The following DCDC1 variants were observed in gnomAD, a reference collection of about 807,000 sequenced individuals.
DCDC1 encodes the protein doublecortin domain-containing protein 1.
A neutral mutation model predicts 178.3 loss-of-function variants in DCDC1; 200 were observed. The ratio of observed to expected loss-of-function variants is 1.12; its 90% CI spans 1.00 to 1.26. The LOEUF is 1.26. Among genes scored for constraint, DCDC1 ranks in the 50% most tolerant of loss-of-function variants. DCDC1 has a pLI of 0.00. For synonymous variants in DCDC1, 690 were observed against 604.8 expected, an observed-to-expected ratio of 1.14 and a Z score of -2.07; for missense variants, 1,983 against 1,749.2, an observed-to-expected ratio of 1.13 and a Z score of -2.38.
At chr11:31,248,033 T>C (rs1212593802) in intron 8 of DCDC1, among the ~76,000 whole-genome samples, 2 of 152,108 alleles carry the variant, frequency 1.3e-5, no homozygotes, top group Non-Finnish European at 2.9e-5. Flanking sequence ...AAATTGAAAA[T>C]GCATGACATG....
In DCDC1 at chr11:30,959,533, G is replaced by T. The variant is rs981892548; in HGVS notation, c.2592-6965C>A. On this transcript the variant is annotated intron_variant, in intron 20 of 38. Transcript: ENST00000684477. ...CCCACTGAACTATGGAATGCTCATG[G>T]GTATGGAGTGTTCCTTCATACCCAC... Among the ~76,000 whole-genome samples, 3 of 152,164 alleles carry T rather than the reference G, an allele frequency of 2.0e-5. No individual in the cohort carries two copies. The South Asian group carries it at 6.2e-4, about 32-fold the overall frequency.
At chr11:30,914,595 C>T (rs917641630) in intron 27 of DCDC1, among the ~76,000 whole-genome samples, 3 of 110,214 alleles carry the variant, frequency 2.7e-5, no homozygotes, top group Non-Finnish European at 5.5e-5. Context: ...GAATTGTTTT[C>T]TTTTTTGTTC....
intron 9 of DCDC1, among the ~76,000 whole-genome samples, chr11:31,188,327 C>A (rs1015042346): frequency 2.6e-5 from 4 of 152,068 alleles, no homozygotes; most frequent in African/African-American, 9.7e-5. Flanking sequence ...TTATCCATTG[C>A]AGCATTAAGA....
intron 17 of DCDC1, among the ~76,000 whole-genome samples, chr11:31,090,186 G>T (rs1237614699): frequency 6.6e-6 from 1 of 152,166 alleles, no homozygotes; most frequent in Non-Finnish European, 1.5e-5. Flanking sequence ...TGGAGAGTTT[G>T]CATAACACCA....
intron 20 of DCDC1, among the ~76,000 whole-genome samples, chr11:30,990,085 T>C (rs972725566): frequency 2.6e-5 from 4 of 152,046 alleles, no homozygotes; most frequent in Admixed American, 1.3e-4. Flanking sequence ...AGACGCTTTT[T>C]CAAGAGACAT....
intron 9 of DCDC1, among the ~76,000 whole-genome samples, chr11:31,180,746 C>T (rs1053713019): frequency 3.3e-5 from 5 of 152,118 alleles, no homozygotes; most frequent in South Asian, 4.1e-4. Context: ...CCACCAGGAC[C>T]GTGGGTTTCA....
Position 31,290,847 on chromosome 11 carries a change from G to A in DCDC1, c.760C>T (p.Leu254=), listed in dbSNP as rs776301174. 6.2e-7 allele frequency: 1 copy of A among 1,610,558 alleles called. No individual in the cohort carries two copies. Among genetic ancestry groups the A allele is most frequent in the South Asian group, 1.1e-5 (1 of 90,386 alleles). The part of the protein sequence containing the change: ...LNPFKKIKDH[L]LLIKKVTWTM... ...CAAGTTACTTTCTTAATTAACAACA[G>A]ATGGTCTAGAAGATAATTTTTTAAG... Residue 254 remains leucine, a synonymous_variant, in exon 7 of 39, where the codon CTG becomes TTG. Coordinates refer to ENST00000684477, the MANE Select transcript of DCDC1 (RefSeq NM_001387274.1).
chr11:31,291,364 T>C (rs1457916421), intron 6 of DCDC1, among the ~76,000 whole-genome samples: 2 of 152,058 alleles, frequency 1.3e-5, no homozygotes, highest in African/African-American at 4.8e-5. Context: ...AGAAGGAAGG[T>C]GCCTTCTAGG....
At chr11:31,360,049 T>C (rs890388890) in intron 1 of DCDC1, among the ~76,000 whole-genome samples, 8 of 152,234 alleles carry the variant, frequency 5.3e-5, no homozygotes, top group African/African-American at 1.9e-4. Flanking sequence ...TAATTTAAAA[T>C]GTTAGTTCCT....
chr11:31,220,698 C>T (rs1190351423), intron 9 of DCDC1, among the ~76,000 whole-genome samples: 2 of 152,154 alleles, frequency 1.3e-5, no homozygotes, highest in African/African-American at 4.8e-5. Flanking sequence ...TTTGAATGTG[C>T]AAAGTACCAT....
intron 9 of DCDC1, among the ~76,000 whole-genome samples, chr11:31,185,555 A>G (rs1969375311): frequency 6.6e-6 from 1 of 152,156 alleles, no homozygotes; most frequent in African/African-American, 2.4e-5. Context: ...TTAGCTTCCA[A>G]AACTCTGCTC....
At chr11:30,874,032 T>C (rs1461187158) in intron 38 of DCDC1, among the ~76,000 whole-genome samples, 1 of 152,178 alleles carries the variant, frequency 6.6e-6, no homozygotes, top group Non-Finnish European at 1.5e-5. Context: ...AAGGGAACTG[T>C]GATGAGAAAA....
At chr11:30,890,473 T>G (rs899243374) in intron 36 of DCDC1, among the ~76,000 whole-genome samples, 5 of 152,248 alleles carry the variant, frequency 3.3e-5, no homozygotes, top group Non-Finnish European at 5.9e-5. Flanking sequence ...GAGCCTTGTC[T>G]GCCACCCTAG....
rs369184177 is a variant in DCDC1 at position 31,174,062 on chromosome 11, C to T, written c.1222-36278G>A. On this transcript the variant is annotated intron_variant, in intron 9 of 38. Transcript: ENST00000684477. ...GCAGGAGTCTTGCACTTCCCCAACG[C>T]GGGTGCAGCCACCCAGCTGCAGCTG... 7.7e-4 allele frequency among the ~76,000 whole-genome samples: 117 copies of T among 152,296 alleles called. 2 individuals carry two copies. The highest frequency in any genetic ancestry group is 8.3e-4 in the South Asian group (4 of 4,820).
At chr11:31,095,097 T>A (rs780806281) in intron 15 of DCDC1, among the ~76,000 whole-genome samples, 1 of 152,166 alleles carries the variant, frequency 6.6e-6, no homozygotes, top group African/African-American at 2.4e-5. Flanking sequence ...TCCAGCTTCA[T>A]CCATGTCCCT....
intron 15 of DCDC1, among the ~76,000 whole-genome samples, chr11:31,094,642 TA>T (rs1958034873): frequency 6.6e-6 from 1 of 152,070 alleles, no homozygotes; most frequent in South Asian, 2.1e-4. Flanking sequence ...TAATAAAGAA[TA>T]AAAAGGTATT....
intron 20 of DCDC1, among the ~76,000 whole-genome samples, chr11:30,994,759 ATTTG>A (rs1451301231): frequency 6.9e-6 from 1 of 144,202 alleles, no homozygotes; most frequent in Non-Finnish European, 1.5e-5. Flanking sequence ...TATATAATAT[ATTTG>A]TTTATTATAA....
chr11:31,308,937 C>T (rs72888156), intron 3 of DCDC1, among the ~76,000 whole-genome samples: 1 of 151,238 alleles, frequency 6.6e-6, no homozygotes. Context: ...CCCAAACACA[C>T]CCCCAATTAT....
intron 36 of DCDC1, chr11:30,882,345 A>G (rs1376723416): frequency 1.3e-5 from 2 of 152,194 alleles, no homozygotes; most frequent in East Asian, 3.9e-4. Context: ...TGAATTTAAT[A>G]ATAATTCAAA....
Sources: gnomAD v4.1 joint callset for allele counts (sites outside exome capture counted in the v4.1 genomes callset) on GRCh38, gnomAD v4.1.1 for gene constraint, MANE v1.5 for transcripts, NCBI Gene and HGNC (gene_info 2026-07-23, HGNC 2026-07-21) for gene names.